The following RAB2A variants were observed in gnomAD, a reference collection of about 807,000 sequenced individuals.
The protein encoded by RAB2A is ras-related protein Rab-2A.
A neutral mutation model predicts 32.5 loss-of-function variants in RAB2A; 7 were observed. That is an observed-to-expected ratio of 0.22 (90% confidence interval 0.12 to 0.40). RAB2A has a LOEUF of 0.40. Ranked by LOEUF, RAB2A falls within the 10% of genes least tolerant of loss-of-function variation. RAB2A has a pLI of 1.00. For missense variants in RAB2A, 108 were observed against 260.7 expected, an observed-to-expected ratio of 0.41 and a Z score of 4.03; for synonymous variants, 79 against 85.2, an observed-to-expected ratio of 0.93 and a Z score of 0.40.
chr8:60,586,920 A>G (rs544014383), intron 5 of RAB2A, among the ~76,000 whole-genome samples: 79 of 147,974 alleles, frequency 5.3e-4, no homozygotes, highest in African/African-American at 1.9e-3. Flanking sequence ...AAAGAGCAAG[A>G]CTCTGTCTCC....
intron 3 of RAB2A, among the ~76,000 whole-genome samples, chr8:60,579,960 A>G (rs888244761): frequency 2.1e-5 from 3 of 145,718 alleles, no homozygotes; most frequent in Non-Finnish European, 4.5e-5. Context: ...TTAAAACAAT[A>G]TAGGTCAATC....
rs1429324364 is a variant in RAB2A, at chr8:60,558,859, T to G, written c.54T>G (p.Gly18=). Residue 18 remains glycine, a synonymous_variant, in exon 2 of 8, where the codon GGT becomes GGG. Transcript: ENST00000262646. ...TTTTTTTTTAACTTTCAGGTGTTGG[T>G]AAATCATGCTTATTGCTACAGTTTA... The part of the protein sequence containing the change: ...KYIIIGDTGV[G]KSCLLLQFTD... 2.5e-6 allele frequency: 4 copies of G among 1,611,914 alleles called. No homozygotes were observed. The Admixed American group carries it at 5.0e-5, about 20-fold the overall frequency.
At chr8:60,556,739 A>C (rs910675095) in intron 1 of RAB2A, among the ~76,000 whole-genome samples, 4 of 151,976 alleles carry the variant, frequency 2.6e-5, no homozygotes, top group African/African-American at 9.7e-5. Context: ...ACCAACACTT[A>C]GTCAGAATGA....
intron 6 of RAB2A, among the ~76,000 whole-genome samples, chr8:60,616,779 G>A (rs774691869): frequency 6.6e-6 from 1 of 152,224 alleles, no homozygotes; most frequent in Non-Finnish European, 1.5e-5. Flanking sequence ...TCCTGCCGCA[G>A]ACGTTCAGAT....
At chr8:60,607,565 C>A (rs1563485731) in intron 6 of RAB2A, among the ~76,000 whole-genome samples, 1 of 152,290 alleles carries the variant, frequency 6.6e-6, no homozygotes, top group East Asian at 1.9e-4. Context: ...CATGAGCCAC[C>A]ATGCCCAGCC....
intron 6 of RAB2A, among the ~76,000 whole-genome samples, chr8:60,596,929 T>A (rs1804040160): frequency 1.3e-5 from 2 of 151,536 alleles, no homozygotes; most frequent in African/African-American, 2.4e-5. Flanking sequence ...TCAAAAAAAA[T>A]AAAAGTGAGG....
At chr8:60,595,844 C>T (rs1804013174) in intron 6 of RAB2A, among the ~76,000 whole-genome samples, 2 of 152,274 alleles carry the variant, frequency 1.3e-5, no homozygotes, top group South Asian at 4.1e-4. Flanking sequence ...TAAAATAAAC[C>T]TCAATAGATT....
rs1804550250 is a variant in RAB2A, at chr8:60,622,842, A to G, written c.*2073A>G. ...TCAATAGTTCTTTTCCACATTCTCT[A>G]CAAATCACATCTACCGTTAAGGAAT... is the stretch of plus-strand genomic sequence containing the variant. On this transcript the variant is annotated 3_prime_UTR_variant, in exon 8 of 8. Coordinates refer to ENST00000262646, the MANE Select transcript of RAB2A (RefSeq NM_002865.3). 6.6e-6 allele frequency: 1 copy of G among 152,226 alleles called. No individual in the cohort carries two copies. Among genetic ancestry groups the G allele is most frequent in the Admixed American group, 6.5e-5 (1 of 15,282 alleles). 9.4% of individuals were successfully genotyped at this position (152,226 alleles called of 1,614,324 possible).
At chr8:60,582,350 G>C (rs1344118554) in intron 3 of RAB2A, among the ~76,000 whole-genome samples, 9 of 152,110 alleles carry the variant, frequency 5.9e-5, no homozygotes, top group Non-Finnish European at 1.2e-4. Context: ...TGCCAAAATT[G>C]CCTACCCAAG....
intron 2 of RAB2A, among the ~76,000 whole-genome samples, chr8:60,566,079 G>C (rs1808108812): frequency 6.6e-6 from 1 of 152,162 alleles, no homozygotes; most frequent in Admixed American, 6.5e-5. Context: ...TGAAAATGTT[G>C]TAAAAATCTG....
intron 1 of RAB2A, among the ~76,000 whole-genome samples, chr8:60,539,267 A>G (rs1807602198): frequency 6.6e-6 from 1 of 152,250 alleles, no homozygotes; most frequent in African/African-American, 2.4e-5. Flanking sequence ...TGCTTAATCA[A>G]GTATGTACGT....
intron 3 of RAB2A, among the ~76,000 whole-genome samples, chr8:60,580,607 C>A (rs745493261): frequency 1.3e-5 from 2 of 152,172 alleles, no homozygotes; most frequent in Non-Finnish European, 2.9e-5. Flanking sequence ...TCATAGTCTT[C>A]AGTGGGAATT....
intron 3 of RAB2A, among the ~76,000 whole-genome samples, chr8:60,574,397 CTGAA>C (rs1435676316): frequency 3.3e-5 from 5 of 149,694 alleles, no homozygotes. Flanking sequence ...GTAAATTTTA[CTGAA>C]TGAATGAATA....
At chr8:60,614,787 A>G (rs1804421506) in intron 6 of RAB2A, among the ~76,000 whole-genome samples, 2 of 152,236 alleles carry the variant, frequency 1.3e-5, no homozygotes, top group South Asian at 4.1e-4. Context: ...GGTGGAAAGC[A>G]AGAGAATGAA....
chr8:60,576,818 C>A (rs1803641549), intron 3 of RAB2A, among the ~76,000 whole-genome samples: 1 of 152,214 alleles, frequency 6.6e-6, no homozygotes, highest in South Asian at 2.1e-4. Flanking sequence ...CTTCCTCCCT[C>A]TCCCCCACCA....
intron 1 of RAB2A, among the ~76,000 whole-genome samples, chr8:60,540,536 A>G (rs1369056001): frequency 3.9e-5 from 6 of 152,130 alleles, no homozygotes; most frequent in Admixed American, 6.5e-5. Flanking sequence ...CTGAAGTGCA[A>G]TGGCGCAATC....
At chr8:60,609,557 C>G (rs927593138) in intron 6 of RAB2A, among the ~76,000 whole-genome samples, 1 of 152,190 alleles carries the variant, frequency 6.6e-6, no homozygotes, top group African/African-American at 2.4e-5. Flanking sequence ...CAACCATGTT[C>G]TTCTTCCTTC....
At chr8:60,544,619 C>G (rs1325826437) in intron 1 of RAB2A, among the ~76,000 whole-genome samples, 2 of 133,198 alleles carry the variant, frequency 1.5e-5, no homozygotes, top group African/African-American at 2.9e-5. Flanking sequence ...GGTCTTTAAA[C>G]TCCTTGCCTC....
At chr8:60,540,161 T>C (rs1563462764) in intron 1 of RAB2A, among the ~76,000 whole-genome samples, 1 of 150,664 alleles carries the variant, frequency 6.6e-6, no homozygotes, top group Non-Finnish European at 1.5e-5. Context: ...ATGTTAAATG[T>C]AATCCTTTTC....
Sources: allele counts gnomAD v4.1 joint callset (sites outside exome capture counted in the v4.1 genomes callset), GRCh38; gene constraint gnomAD v4.1.1; transcripts MANE v1.5; gene names NCBI Gene and HGNC (gene_info 2026-07-23, HGNC 2026-07-21).